The following POU2F2 variants were observed in gnomAD, a reference collection of about 807,000 sequenced individuals.
The protein encoded by POU2F2 is POU domain, class 2, transcription factor 2.
Under a neutral mutation model 63.5 loss-of-function variants are expected in POU2F2, and 14 were observed. The ratio of observed to expected loss-of-function variants is 0.22; its 90% confidence interval spans 0.15 to 0.34. The LOEUF is 0.34. Among genes scored for constraint, POU2F2 ranks in the 10% least tolerant of loss-of-function variants. The probability of loss-of-function intolerance (pLI) is 1.00; values close to 1 mark genes in which losing one functional copy is unlikely to be tolerated. For missense variants in POU2F2, 607 were observed against 815.2 expected, an observed-to-expected ratio of 0.74 and a Z score of 3.11; for synonymous variants, 306 against 348.6, an observed-to-expected ratio of 0.88 and a Z score of 1.36.
intron 4 of POU2F2, among the ~76,000 whole-genome samples, chr19:42,120,021 C>A (rs527946322): frequency 6.6e-6 from 1 of 151,910 alleles, no homozygotes; most frequent in East Asian, 1.9e-4. Context: ...CAGACTCAAG[C>A]GATCCTCCTG....
chr19:42,156,180 T>C lies in POU2F2; in HGVS notation c.-9+4152A>G, dbSNP rs892697711. On this transcript the variant is annotated intron_variant, in intron 2 of 6. Coordinates refer to the POU2F2 transcript ENST00000524801. This position sits in a 1 kb window ranked among gnomAD's most constrained non-coding sequence, Gnocchi z 4.1. ...CCATGCTTACCAGGATGGTGGGTACTTGACCTTCATTTGCTGTGGGACTGT... is the reference window on the plus strand; with the variant it reads ...CCATGCTTACCAGGATGGTGGGTACCTGACCTTCATTTGCTGTGGGACTGT... 4 of 152,152 alleles carry C rather than the reference T, an allele frequency of 2.6e-5. No homozygotes were observed. Among genetic ancestry groups the C allele is most frequent in the Admixed American group, 1.3e-4 (2 of 15,282 alleles). 9.4% of individuals were successfully genotyped at this position (152,152 alleles called of 1,614,324 possible). A position where few individuals can be genotyped will look rare whatever the true frequency, so the allele number is the denominator to read the frequency against.
rs1031259765 is a variant in POU2F2 at position 42,121,772 on chromosome 19, C to A, written c.186+354G>T. On this transcript the variant is annotated intron_variant, in intron 4 of 14. Transcript: ENST00000692977. ...GCTATCCTCAACTGGTACCAGCCCC[C>A]CCACCCCCACCTCAGCTGGCCGCTA... Among the ~76,000 whole-genome samples, 3 of 152,232 alleles carry A rather than the reference C, an allele frequency of 2.0e-5. No individual in the cohort carries two copies. In the South Asian group the frequency reaches 6.2e-4, roughly 31 times the overall value.
Position 42,099,788 on chromosome 19 carries a change from C to A in POU2F2, c.403G>T (p.Val135Leu). Residue 135 changes from valine (V) to leucine (L), a missense_variant, in exon 6 of 15, where the codon GTG (valine) becomes TTG (leucine). Coordinates refer to ENST00000692977, the MANE Select transcript of POU2F2 (RefSeq NM_001394376.1). The part of the protein sequence containing the change: ...IQQLLQLQQL[V>L]LVPGHHLQPP... ...TGGAGGTGGTGGCCTGGCACAAGCACCAGCTGCTGGAGCTGGAGGAGCTGC... is the reference window on the plus strand; with the variant it reads ...TGGAGGTGGTGGCCTGGCACAAGCAACAGCTGCTGGAGCTGGAGGAGCTGC... The A allele has an allele frequency of 7.6e-6, 12 of 1,581,822 alleles. No individual in the cohort carries two copies. Among genetic ancestry groups the A allele is most frequent in the Non-Finnish European group, 1.0e-5 (12 of 1,162,502 alleles).
At chr19:42,100,806 A>G (rs796178636) in intron 5 of POU2F2, among the ~76,000 whole-genome samples, 2 of 151,702 alleles carry the variant, frequency 1.3e-5, no homozygotes, top group South Asian at 4.2e-4. Flanking sequence ...TTCCTCCTTT[A>G]AAAACACTCC....
chr19:42,144,096 G>T (rs2034184033), intron 2 of POU2F2, among the ~76,000 whole-genome samples: 1 of 152,140 alleles, frequency 6.6e-6, no homozygotes, highest in Non-Finnish European at 1.5e-5. Context: ...CATAATCCTT[G>T]GTTCACAGCG....
At chr19:42,190,020 C>A (rs962264914) in intron 1 of POU2F2, among the ~76,000 whole-genome samples, 2 of 152,160 alleles carry the variant, frequency 1.3e-5, no homozygotes, top group East Asian at 3.8e-4. Context: ...AGCCGCTGCA[C>A]CTGGTGAGTT....
At chr19:42,160,562 C>T (rs2034533850) in intron 1 of POU2F2, among the ~76,000 whole-genome samples, 1 of 152,184 alleles carries the variant, frequency 6.6e-6, no homozygotes, top group South Asian at 2.1e-4. Context: ...CCACTTGTTG[C>T]CTTCAGTAGT....
rs1341465327 is a variant in POU2F2, at chr19:42,095,139, C to CTG, written c.1197+145_1197+146dup. 2 of 1,046,674 alleles carry CTG rather than the reference C, an allele frequency of 1.9e-6. No homozygotes were observed. Among genetic ancestry groups the CTG allele is most frequent in the African/African-American group, 3.2e-5 (2 of 61,864 alleles). The allele number at this position is 1,046,674 out of a possible 1,614,324, so 64.8% of individuals were successfully genotyped here. On this transcript the variant is annotated intron_variant, in intron 11 of 14. Transcript: ENST00000692977. The surrounding 1 kb of genome is among the most constrained non-coding windows in gnomAD (Gnocchi z 7.1). ...TTCCCTGGAAACCGTCCCTGTGTAA[C>CTG]TGTGCCCATCTACGTGATGGCCTGT...
At chr19:42,196,938 G>A (rs549233449), upstream of POU2F2, among the ~76,000 whole-genome samples, 9 of 152,356 alleles carry the variant, frequency 5.9e-5, no homozygotes, top group African/African-American at 2.2e-4. Context: ...GAATGGGGTG[G>A]GGCCAATGAC....
At chr19:42,112,054 T>C (rs2031187470) in intron 5 of POU2F2, among the ~76,000 whole-genome samples, 1 of 152,188 alleles carries the variant, frequency 6.6e-6, no homozygotes, top group African/African-American at 2.4e-5. Flanking sequence ...TTACATCACA[T>C]GCTACCTTAT....
upstream of POU2F2, chr19:42,132,518 C>T: frequency 1.8e-6 from 2 of 1,096,906 alleles, no homozygotes; most frequent in South Asian, 2.1e-5. Flanking sequence ...ACCACAGGGC[C>T]GGTCCGCCCC....
chr19:42,125,806 T>G (rs1469541864), intron 1 of POU2F2, among the ~76,000 whole-genome samples: 1 of 152,124 alleles, frequency 6.6e-6, no homozygotes, highest in African/African-American at 2.4e-5. Flanking sequence ...ACTGCTCTTC[T>G]CTTGCAGCTC....
chr19:42,117,370 G>T lies in POU2F2; in HGVS notation c.249C>A (p.Pro83=), dbSNP rs548592335. The T allele has an allele frequency of 2.3e-5, 35 of 1,528,458 alleles. No individual in the cohort carries two copies. Among genetic ancestry groups the T allele is most frequent in the Middle Eastern group, 1.7e-4 (1 of 5,800 alleles). The allele number at this position is 1,528,458 out of a possible 1,614,324, so 94.7% of individuals were successfully genotyped here. A position where few individuals can be genotyped will look rare whatever the true frequency, so the allele number is the denominator to read the frequency against. ...CACTGGGGTCTTCAGCCTTGATCTG[G>T]GGGGGAGAGAGGCAGGGTCCGGGAC... The part of the protein sequence containing the change: ...FWGPGPCLSP[P]QIKAEDPSGD... Residue 83 remains proline, a synonymous_variant, in exon 5 of 15, where the codon CCC becomes CCA. Transcript: ENST00000692977. The surrounding 1 kb of genome is among the most constrained non-coding windows in gnomAD (Gnocchi z 4.4).
At chr19:42,188,811 GAA>G (rs2146824104) in intron 1 of POU2F2, among the ~76,000 whole-genome samples, 1 of 147,056 alleles carries the variant, frequency 6.8e-6, no homozygotes, top group Admixed American at 6.9e-5. Context: ...GAAAGAGAAA[GAA>G]AGAAAAAGAG....
rs568335957 is a variant in POU2F2, at chr19:42,096,206, G to A, written c.605C>T (p.Ser202Leu). The change falls in exon 8 of 15, where the codon TCG becomes TTG. Residue 202 changes from serine (S) to leucine (L), a missense_variant. Around this residue, in one of 7 missense-constraint regions of POU2F2, gnomAD observed 224 missense variants for 264.3 expected, o/e 0.85. Coordinates refer to ENST00000692977, the MANE Select transcript of POU2F2 (RefSeq NM_001394376.1). The surrounding 1 kb of genome is among the most constrained non-coding windows in gnomAD (Gnocchi z 4.1). The stretch of plus-strand genomic sequence containing the variant: ...CAAGCATTTGGGGGGCTGCGGGTGC[G>A]AGAGGTGCGGGTCGGGCAGCGTAGG... ...TRPTLPDPHL[S>L]HPQPPKCLEP... 4 of 1,611,340 alleles carry A rather than the reference G, an allele frequency of 2.5e-6. 1 individual carries two copies. In the South Asian group the frequency reaches 3.3e-5, roughly 13 times the overall value.
At chr19:42,145,508 G>A (rs1025538855) in intron 2 of POU2F2, among the ~76,000 whole-genome samples, 9 of 152,204 alleles carry the variant, frequency 5.9e-5, no homozygotes, top group East Asian at 3.8e-4. Flanking sequence ...GCCTGTCATC[G>A]TTGAAGCAAA....
intron 4 of POU2F2, among the ~76,000 whole-genome samples, chr19:42,119,185 A>G (rs1476954606): frequency 1.3e-5 from 2 of 151,648 alleles, no homozygotes; most frequent in African/African-American, 4.8e-5. Flanking sequence ...TGCAGCATGA[A>G]ATGACACTGA....
At chr19:42,196,913 G>A (rs527608273), upstream of POU2F2, among the ~76,000 whole-genome samples, 6 of 152,366 alleles carry the variant, frequency 3.9e-5, no homozygotes, top group South Asian at 1.0e-3. Flanking sequence ...AGGGTTAAGG[G>A]GGAGGTGACC....
chr19:42,106,051 CTTCT>C (rs1452933587), intron 5 of POU2F2, among the ~76,000 whole-genome samples: 6 of 79,024 alleles, frequency 7.6e-5, no homozygotes, highest in East Asian at 3.8e-4. Context: ...TTCTTTCTTT[CTTCT>C]TTCTTTCTTT....
Sources: allele counts gnomAD v4.1 joint callset (sites outside exome capture counted in the v4.1 genomes callset), GRCh38; gene constraint gnomAD v4.1.1; regional missense constraint gnomAD v4.1.1; non-coding constraint Gnocchi (gnomAD v3.1); transcripts MANE v1.5; gene names NCBI Gene and HGNC (gene_info 2026-07-23, HGNC 2026-07-21).